EOMES: variants seen among roughly 807,000 people sequenced by gnomAD.
The protein encoded by EOMES is eomesodermin, also known as eomesodermin homolog.
In EOMES, 18 loss-of-function variants were observed where a neutral mutation model predicts 61.0. The observed-to-expected ratio is 0.30, with a 90% CI of 0.20 to 0.44. The LOEUF (loss-of-function observed/expected upper bound fraction) is 0.44. Among genes scored for constraint, EOMES ranks in the 20% least tolerant of loss-of-function variants. The pLI is 1.00. For missense variants in EOMES, 885 were observed against 939.2 expected, an observed-to-expected ratio of 0.94 and a Z score of 0.75; for synonymous variants, 430 against 394.0, an observed-to-expected ratio of 1.09 and a Z score of -1.08.
chr3:27,719,824 G>A lies in EOMES; in HGVS notation c.1037-343C>T, dbSNP rs534794469. On this transcript the variant is annotated intron_variant, in intron 2 of 5. Coordinates refer to ENST00000449599, the MANE Select transcript of EOMES (RefSeq NM_001278182.2). ...ATGGAAGACAGTTGGATATTTATGGGTGAACTAAACTTTGGCTGGGCTTTC... is the reference window on the plus strand; with the variant it reads ...ATGGAAGACAGTTGGATATTTATGGATGAACTAAACTTTGGCTGGGCTTTC... Among the ~76,000 whole-genome samples, 755 of 152,182 alleles carry A rather than the reference G, an allele frequency of 5.0e-3. 3 individuals are homozygous for A. The highest frequency in any genetic ancestry group is 0.01 in the Middle Eastern group (3 of 294).
chr3:27,721,647 A>G lies in EOMES; in HGVS notation c.648T>C (p.Ser216=), dbSNP rs2060614503. ...AQFGPGAGAG[S]GAGGSSGGGG... ...CCCCGCCGCTGCTACCGCCCGCGCC[A>G]CTGCCCGCACCGGCTCCTGGGCCGA... Residue 216 remains serine (S), a synonymous_variant, in exon 1 of 6, where the codon AGT becomes AGC. Transcript: ENST00000449599. This position sits in a 1 kb window ranked among gnomAD's most constrained non-coding sequence, Gnocchi z 7.4. The G allele has an allele frequency of 1.3e-6, 2 of 1,539,650 alleles. No homozygotes were observed. Among genetic ancestry groups the G allele is most frequent in the Non-Finnish European group, 1.7e-6 (2 of 1,146,156 alleles).
intron 1 of EOMES, 148 bp from the exon 2 acceptor site, chr3:27,720,473 G>A (rs1393890763): frequency 2.8e-6 from 1 of 359,884 alleles, no homozygotes; most frequent in African/African-American, 2.3e-5. Context: ...AGATCAAGTG[G>A]TCTGAAACTA....
Position 27,717,024 on chromosome 3 carries a change from G to A in EOMES, c.*46C>T. 6.7e-7 allele frequency: 1 copy of A among 1,496,530 alleles called. No individual in the cohort carries two copies. The highest frequency in any genetic ancestry group is 9.0e-7 in the Non-Finnish European group (1 of 1,107,042). 92.7% of individuals were successfully genotyped at this position (1,496,530 alleles called of 1,614,324 possible). On this transcript the variant is annotated 3_prime_UTR_variant, in exon 6 of 6. Transcript: ENST00000449599. The surrounding 1 kb of genome is among the most constrained non-coding windows in gnomAD (Gnocchi z 4.5). Reference sequence around the variant, plus strand: ...AGAAGACAACAAAAAACACCACCAAGTCCATCTGCAAAAAGTTAGCTAATT... The same window carrying A: ...AGAAGACAACAAAAAACACCACCAAATCCATCTGCAAAAAGTTAGCTAATT...
intron 3 of EOMES, 57 bp from the exon 4 acceptor site, chr3:27,718,950 A>C: frequency 7.5e-7 from 1 of 1,328,038 alleles, no homozygotes; most frequent in South Asian, 1.4e-5. Context: ...GTGGTTCAAC[A>C]AAATTAGATT....
At chr3:27,720,002 C>T (rs1184094256) in intron 2 of EOMES, among the ~76,000 whole-genome samples, 169 bp downstream of exon 2, 1 of 152,110 alleles carries the variant, frequency 6.6e-6, no homozygotes, top group Non-Finnish European at 1.5e-5. Flanking sequence ...ACTTAGCAAA[C>T]TCTCCTCTCC....
At chr3:27,718,709 A>T (rs1210973646) in intron 4 of EOMES, 26 bp downstream of exon 4, 6 of 1,613,792 alleles carry the variant, frequency 3.7e-6, no homozygotes, top group Non-Finnish European at 5.1e-6. Context: ...AGCTTTAGAG[A>T]TTCTTGAGAT....
chr3:27,718,979 T>C (rs766125055), intron 3 of EOMES, 86 bp from the exon 4 acceptor site: 171 of 1,050,438 alleles, frequency 1.6e-4, no homozygotes, highest in Non-Finnish European at 2.2e-4. Flanking sequence ...TTATGTATTT[T>C]GGTATTGGAC....
chr3:27,720,400 TC>T, intron 1 of EOMES, 75 bp from the exon 2 acceptor site: 3 of 1,276,218 alleles, frequency 2.4e-6, no homozygotes, highest in Non-Finnish European at 2.3e-6. Flanking sequence ...CCCAGCGGGT[TC>T]CCCAGACACC....
intron 1 of EOMES, among the ~76,000 whole-genome samples, chr3:27,720,531 CAAAAAAAAAAAAAAAAAAAAAAAAAAA>C (rs757181277): frequency 1.6e-5 from 1 of 62,300 alleles, no homozygotes. Flanking sequence ...TCCGTCTTTT[CAAAAAAAAAAAAAAAAAAAAAAAAAAA>C]AAAAAAAAAA....
intron 1 of EOMES, 147 bp from the exon 2 acceptor site, chr3:27,720,472 G>C (rs772262335): frequency 2.1e-5 from 8 of 374,802 alleles, no homozygotes; most frequent in Non-Finnish European, 3.9e-5. Context: ...TAGATCAAGT[G>C]GTCTGAAACT....
upstream of EOMES, chr3:27,722,365 G>C (rs1350775672): frequency 1.6e-5 from 22 of 1,396,266 alleles, no homozygotes; most frequent in Non-Finnish European, 1.9e-5. Flanking sequence ...GGCAGGATGG[G>C]GGAGCCAGCG....
chr3:27,721,897 C>T lies in EOMES; in HGVS notation c.398G>A (p.Arg133His). 3 of 1,429,586 alleles carry T rather than the reference C, an allele frequency of 2.1e-6. No individual in the cohort carries two copies. The highest frequency in any genetic ancestry group is 2.7e-6 in the Non-Finnish European group (3 of 1,099,664). 88.6% of individuals were successfully genotyped at this position (1,429,586 alleles called of 1,614,324 possible). The change falls in exon 1 of 6, where the codon CGC becomes CAC. Residue 133 changes from arginine (R) to histidine (H), a missense_variant. Physicochemically the swap from Arg to His is conservative, Grantham distance 29 (BLOSUM62 0). Coordinates refer to ENST00000449599, the MANE Select transcript of EOMES (RefSeq NM_001278182.2). The surrounding 1 kb of genome is among the most constrained non-coding windows in gnomAD (Gnocchi z 7.4). ...AAAAAAAATA[R>H]YSMDSLSSER... ...GGAGCTCAGGCTGTCCATGGAGTAGCGCGCAGTGGCCGCAGCCGCGGCGGC... is the reference window on the plus strand; with the variant it reads ...GGAGCTCAGGCTGTCCATGGAGTAGTGCGCAGTGGCCGCAGCCGCGGCGGC...
Position 27,722,308 on chromosome 3 carries a change from C to T in EOMES, c.-14G>A, listed in dbSNP as rs1172722579. On this transcript the variant is annotated 5_prime_UTR_variant, in exon 1 of 6. Coordinates refer to ENST00000449599, the MANE Select transcript of EOMES (RefSeq NM_001278182.2). ...CCCTAACTGCATGCTTTGCAAAGCG[C>T]AGACGGCAGCTGGCTGCTTCCTCTC... The T allele has an allele frequency of 6.5e-7, 1 of 1,535,450 alleles. No homozygotes were observed. The highest frequency in any genetic ancestry group is 8.7e-7 in the Non-Finnish European group (1 of 1,147,392).
rs747195051 is a variant in EOMES, at chr3:27,719,387, G to T, written c.1131C>A (p.Asn377Lys). 3 of 1,614,032 alleles carry T rather than the reference G, an allele frequency of 1.9e-6. No individual in the cohort carries two copies. ...GGGTGTTGTTGTTATTTGCGCCTTT[G>T]TTATTGGTGAGTTTTAATTTCCCGA... The part of the protein sequence containing the change: ...ISFGKLKLTN[N>K]KGANNNNTQM... The change falls in exon 3 of 6, where the codon AAC (asparagine) becomes AAA (lysine). Residue 377 changes from asparagine (N) to lysine (K), a missense_variant. Transcript: ENST00000449599.
chr3:27,721,817 A>T lies in EOMES; in HGVS notation c.478T>A (p.Cys160Ser). Residue 160 changes from cysteine (C) to serine (S), a missense_variant, in exon 1 of 6, where the codon TGC becomes AGC. Physicochemically the swap from Cys to Ser is moderately radical, Grantham distance 112 (BLOSUM62 -1). Coordinates refer to ENST00000449599, the MANE Select transcript of EOMES (RefSeq NM_001278182.2). This position sits in a 1 kb window ranked among gnomAD's most constrained non-coding sequence, Gnocchi z 7.4. ...GCCGCCTGGTACGGGAAGAGTGAGC[A>T]GGGCGCAGCCAGCTCCGACCCCTGA... ...GPQGSELAAPCSLFPYQAAAG... is the reference protein window; with the variant it reads ...GPQGSELAAPSSLFPYQAAAG... 1 of 1,512,260 alleles carries T rather than the reference A, an allele frequency of 6.6e-7. No individual in the cohort carries two copies. The allele number at this position is 1,512,260 out of a possible 1,614,324, so 93.7% of individuals were successfully genotyped here.
chr3:27,719,281 GAA>G, intron 3 of EOMES, 77 bp downstream of exon 3: 1 of 1,368,068 alleles, frequency 7.3e-7, no homozygotes, highest in African/African-American at 1.5e-5. Flanking sequence ...TAAATACAGT[GAA>G]AAGAGTAGGG....
At chr3:27,719,056 C>CCT (rs1553745087) in intron 3 of EOMES, among the ~76,000 whole-genome samples, 163 bp from the exon 4 acceptor site, 5 of 146,958 alleles carry the variant, frequency 3.4e-5, no homozygotes, top group African/African-American at 1.3e-4. Context: ...TGCCCCCCCC[C>CCT]TTTTTTTTTG....
rs2125403293 is a variant in EOMES, at chr3:27,721,367, G to A, written c.881+47C>T. ...TCCCGGACCTTCCCCAGGACCACAC[G>A]TCACCCTTTATCCCCGAACCCAGGG... On this transcript the variant is annotated intron_variant, in intron 1 of 5. Coordinates refer to ENST00000449599, the MANE Select transcript of EOMES (RefSeq NM_001278182.2). The surrounding 1 kb of genome is among the most constrained non-coding windows in gnomAD (Gnocchi z 7.4). The A allele has an allele frequency of 6.6e-7, 1 of 1,508,442 alleles. No individual in the cohort carries two copies. The highest frequency in any genetic ancestry group is 9.0e-7 in the Non-Finnish European group (1 of 1,104,986). The allele number at this position is 1,508,442 out of a possible 1,614,324, so 93.4% of individuals were successfully genotyped here.
chr3:27,719,937 G>A (rs552959835), intron 2 of EOMES, among the ~76,000 whole-genome samples: 1 of 152,214 alleles, frequency 6.6e-6, no homozygotes, highest in South Asian at 2.1e-4. Flanking sequence ...GGGGGGTGGG[G>A]TGATGTCTTA....
Sources: allele counts gnomAD v4.1 joint callset (sites outside exome capture counted in the v4.1 genomes callset), GRCh38; gene constraint gnomAD v4.1.1; non-coding constraint Gnocchi (gnomAD v3.1); transcripts MANE v1.5; gene names NCBI Gene and HGNC (gene_info 2026-07-23, HGNC 2026-07-21).